Variants in SPATA13 observed in about 807,000 individuals in gnomAD.
SPATA13 encodes spermatogenesis associated 13.
SPATA13 carries 50 observed loss-of-function variants against 104.0 expected under a neutral mutation model. That is an observed-to-expected ratio of 0.48 (90% confidence interval 0.38 to 0.61). The LOEUF (loss-of-function observed/expected upper bound fraction) is 0.61, where lower values mean the gene tolerates loss of function less well. Ranked by LOEUF, SPATA13 falls within the 20% of genes least tolerant of loss-of-function variation. The pLI is 0.00. For synonymous variants in SPATA13, 606 were observed against 667.5 expected, an observed-to-expected ratio of 0.91 and a Z score of 1.42; for missense variants, 1,524 against 1,690.6, an observed-to-expected ratio of 0.90 and a Z score of 1.73.
chr13:24,064,072 G>T (rs1345144429), intron 3 of SPATA13, among the ~76,000 whole-genome samples: 2 of 152,136 alleles, frequency 1.3e-5, no homozygotes, highest in Non-Finnish European at 1.5e-5. Context: ...CTTTGACCAT[G>T]CCTGCCTACC....
chr13:24,146,276 C>G (rs1252172587), intron 3 of SPATA13, among the ~76,000 whole-genome samples: 2 of 152,224 alleles, frequency 1.3e-5, no homozygotes, highest in Non-Finnish European at 2.9e-5. Flanking sequence ...AATCGGGGCA[C>G]TCCAGCTTCA....
intron 3 of SPATA13, among the ~76,000 whole-genome samples, chr13:24,028,910 G>GT (rs1376268966): frequency 6.6e-6 from 1 of 151,564 alleles, no homozygotes; most frequent in East Asian, 1.9e-4. Context: ...AATTTCCCCT[G>GT]TTTTTTTAAA....
chr13:24,124,253 TTAG>T (rs1881137284), intron 3 of SPATA13, among the ~76,000 whole-genome samples: 2 of 152,224 alleles, frequency 1.3e-5, no homozygotes. Context: ...TTTGTTGTCT[TTAG>T]TAGTCTATTG....
At chr13:24,120,990 G>A (rs1046314410) in intron 3 of SPATA13, among the ~76,000 whole-genome samples, 2 of 151,930 alleles carry the variant, frequency 1.3e-5, no homozygotes. Context: ...AAACGATAAC[G>A]AGGAAGTAGG....
intron 3 of SPATA13, among the ~76,000 whole-genome samples, chr13:24,104,392 G>C (rs7997748): frequency 0.11 from 16,450 of 152,140 alleles, 1,263 homozygotes; most frequent in African/African-American, 0.21. Flanking sequence ...GAGAGGTTTG[G>C]TTTTACAATT....
chr13:24,263,397 C>A (rs1040279751), intron 4 of SPATA13, among the ~76,000 whole-genome samples: 1 of 152,142 alleles, frequency 6.6e-6, no homozygotes, highest in Admixed American at 6.5e-5. Flanking sequence ...CCCTTCTCCC[C>A]CTACATCTCA....
At chr13:24,015,684 A>G (rs926916393) in intron 2 of SPATA13, among the ~76,000 whole-genome samples, 4 of 152,078 alleles carry the variant, frequency 2.6e-5, no homozygotes, top group Admixed American at 6.5e-5. Context: ...AGGTCAGACC[A>G]GCCAGGACAC....
chr13:24,218,881 CT>C (rs1323608902), intron 1 of SPATA13, among the ~76,000 whole-genome samples: 1 of 151,054 alleles, frequency 6.6e-6, no homozygotes, highest in East Asian at 1.9e-4. Context: ...TACATTTAAT[CT>C]GTTCTATATT....
chr13:24,019,214 A>G (rs892065554), intron 3 of SPATA13, among the ~76,000 whole-genome samples: 22 of 149,212 alleles, frequency 1.5e-4, no homozygotes, highest in Non-Finnish European at 2.1e-4. Flanking sequence ...TCAGCCTCCC[A>G]AGTAGCTGGG....
At chr13:24,111,392 A>G (rs1184503377) in intron 3 of SPATA13, among the ~76,000 whole-genome samples, 6 of 151,922 alleles carry the variant, frequency 3.9e-5, no homozygotes, top group Admixed American at 2.0e-4. Flanking sequence ...CTTTGATTGC[A>G]TCCTCTCTGT....
intron 9 of SPATA13, among the ~76,000 whole-genome samples, chr13:24,293,093 A>G (rs1876519536): frequency 6.6e-6 from 1 of 151,596 alleles, no homozygotes; most frequent in Non-Finnish European, 1.5e-5. Context: ...TCACTGAACA[A>G]TAGACACTAG....
At chr13:24,101,558 A>T (rs1172265931) in intron 3 of SPATA13, among the ~76,000 whole-genome samples, 4 of 152,220 alleles carry the variant, frequency 2.6e-5, no homozygotes, top group African/African-American at 9.6e-5. Context: ...TGTTAACCCT[A>T]TGCACATTCT....
At chr13:24,159,678 C>G (rs1347231669), upstream of SPATA13, among the ~76,000 whole-genome samples, 1 of 152,120 alleles carries the variant, frequency 6.6e-6, no homozygotes, top group Non-Finnish European at 1.5e-5. Context: ...CATGAAGCCA[C>G]CATTATAATG....
intron 3 of SPATA13, among the ~76,000 whole-genome samples, chr13:24,039,039 TA>T (rs993354301): frequency 6.6e-5 from 10 of 152,186 alleles, no homozygotes; most frequent in African/African-American, 2.2e-4. Context: ...CAGAGACGAT[TA>T]AAAAAGTTAT....
At chr13:24,084,468 A>T (rs1879655936) in intron 3 of SPATA13, among the ~76,000 whole-genome samples, 1 of 152,164 alleles carries the variant, frequency 6.6e-6, no homozygotes, top group Non-Finnish European at 1.5e-5. Context: ...TTGCACCCTG[A>T]CTCACTTCAG....
At chr13:24,174,771 G>A (rs1411996320) in intron 1 of SPATA13, among the ~76,000 whole-genome samples, 5 of 152,080 alleles carry the variant, frequency 3.3e-5, no homozygotes, top group Non-Finnish European at 7.4e-5. Context: ...TAGAGACAGG[G>A]TTTCACCATG....
At chr13:24,008,725 G>T (rs1440299426) in intron 2 of SPATA13, among the ~76,000 whole-genome samples, 1 of 152,140 alleles carries the variant, frequency 6.6e-6, no homozygotes, top group African/African-American at 2.4e-5. Context: ...ACCTGGCAGA[G>T]ACCTGGAAAC....
chr13:24,123,338 C>G, intron 3 of SPATA13: 1 of 1,361,472 alleles, frequency 7.3e-7, no homozygotes, highest in Non-Finnish European at 1.1e-6. Context: ...CACTTTCGAA[C>G]TTCACTTCAC....
At chr13:24,067,305 C>G (rs1016750779) in intron 3 of SPATA13, among the ~76,000 whole-genome samples, 22 of 150,112 alleles carry the variant, frequency 1.5e-4, no homozygotes, top group Non-Finnish European at 2.2e-4. Flanking sequence ...AATCCCATGT[C>G]CCTGCCTCTT....
Sources: allele counts gnomAD v4.1 joint callset (sites outside exome capture counted in the v4.1 genomes callset), GRCh38; gene constraint gnomAD v4.1.1; transcripts MANE v1.5; gene names NCBI Gene and HGNC (gene_info 2026-07-23, HGNC 2026-07-21).